The following TCF12 variants were observed in gnomAD, a reference collection of about 807,000 sequenced individuals.
TCF12 encodes the protein DNA-binding protein HTF4.
TCF12 carries 45 observed loss-of-function variants against 86.0 expected under a neutral mutation model. The ratio of observed to expected loss-of-function variants is 0.52; its 90% CI spans 0.41 to 0.67. The LOEUF is 0.67. Ranked by LOEUF, TCF12 falls within the 30% of genes least tolerant of loss-of-function variation. The pLI, the probability that TCF12 is intolerant of heterozygous loss-of-function variation, is 0.00. For missense variants in TCF12, 881 were observed against 859.9 expected (o/e 1.02, Z -0.31); for synonymous variants, 330 against 299.6 (o/e 1.10, Z -1.05).
intron 19 of TCF12, among the ~76,000 whole-genome samples, chr15:57,276,602 A>G (rs540664117): frequency 3.2e-4 from 48 of 152,304 alleles, no homozygotes; most frequent in African/African-American, 1.1e-3. Context: ...CATAATCATG[A>G]AATTTCAGAG....
rs193075893 is a variant in TCF12, at chr15:57,248,070, C to G, written c.1115-3280C>G. ...TGAGACCAGACAACTGGACTCATGT[C>G]TTCCAACTCAAGTTCAGTATCCCAT... is the stretch of plus-strand genomic sequence containing the variant. On this transcript the variant is annotated intron_variant, in intron 13 of 20. Transcript: ENST00000333725. 3.2e-3 allele frequency: 2,242 copies of G among 702,912 alleles called. 11 individuals are homozygous for G. The highest frequency in any genetic ancestry group is 3.8e-3 in the Non-Finnish European group (1,459 of 385,126). The allele number at this position is 702,912 out of a possible 1,614,324, so 43.5% of individuals were successfully genotyped here.
chr15:57,243,375 G>T, intron 12 of TCF12, 97 bp from the exon 13 acceptor site: 2 of 1,048,862 alleles, frequency 1.9e-6, no homozygotes, highest in East Asian at 2.4e-5. Flanking sequence ...AGTCTTAGGG[G>T]TGACAACTAG....
intron 3 of TCF12, among the ~76,000 whole-genome samples, chr15:56,974,444 T>A (rs192179827): frequency 6.6e-6 from 1 of 152,066 alleles, no homozygotes; most frequent in African/African-American, 2.4e-5. Context: ...TTCTGTACTC[T>A]TGCAAATTAT....
chr15:57,132,626 T>C (rs1430070418), intron 5 of TCF12, among the ~76,000 whole-genome samples: 4 of 152,232 alleles, frequency 2.6e-5, no homozygotes, highest in Non-Finnish European at 5.9e-5. Context: ...AACACGTGTG[T>C]GCCCATTCTT....
intron 5 of TCF12, among the ~76,000 whole-genome samples, chr15:57,162,127 G>C (rs534378122): frequency 2.0e-5 from 3 of 151,966 alleles, no homozygotes; most frequent in African/African-American, 7.2e-5. Flanking sequence ...TTTTTCATAG[G>C]TGCTTCAAGG....
At chr15:57,050,243 C>T (rs1397367403) in intron 3 of TCF12, among the ~76,000 whole-genome samples, 1 of 152,022 alleles carries the variant, frequency 6.6e-6, no homozygotes, top group East Asian at 1.9e-4. Flanking sequence ...ACATATTTGC[C>T]ATCTGTATGC....
intron 3 of TCF12, among the ~76,000 whole-genome samples, chr15:57,051,644 A>G (rs1306163803): frequency 2.0e-5 from 3 of 152,190 alleles, no homozygotes; most frequent in Non-Finnish European, 2.9e-5. Context: ...CTTCTTAAGC[A>G]GAGAAGACAC....
intron 5 of TCF12, among the ~76,000 whole-genome samples, chr15:57,095,969 C>G (rs1202298636): frequency 1.3e-5 from 2 of 152,092 alleles, no homozygotes; most frequent in African/African-American, 4.8e-5. Flanking sequence ...GGTCACAAAG[C>G]CAGTAAATGT....
At chr15:57,252,922 T>C (rs1253703892) in intron 15 of TCF12, among the ~76,000 whole-genome samples, 1 of 136,016 alleles carries the variant, frequency 7.4e-6, no homozygotes, top group African/African-American at 2.8e-5. Flanking sequence ...AAAGTATAGG[T>C]TGTACTTTTT....
intron 3 of TCF12, among the ~76,000 whole-genome samples, chr15:56,950,079 G>T (rs1427514472): frequency 6.6e-6 from 1 of 152,158 alleles, no homozygotes; most frequent in Non-Finnish European, 1.5e-5. Flanking sequence ...GTGATTGAAT[G>T]TATACATCAT....
chr15:57,253,231 A>G (rs771551499), intron 15 of TCF12, 31 bp from the exon 16 acceptor site: 11 of 1,610,306 alleles, frequency 6.8e-6, no homozygotes, highest in Non-Finnish European at 9.3e-6. Context: ...TGCCAGCAAT[A>G]ACCACCATGT....
At chr15:57,139,907 G>T (rs1440903448) in intron 5 of TCF12, among the ~76,000 whole-genome samples, 1 of 152,148 alleles carries the variant, frequency 6.6e-6, no homozygotes, top group African/African-American at 2.4e-5. Context: ...CTATCATTCA[G>T]TCATTATCAG....
At chr15:57,184,845 A>G (rs1162738263) in intron 6 of TCF12, among the ~76,000 whole-genome samples, 3 of 152,236 alleles carry the variant, frequency 2.0e-5, no homozygotes, top group African/African-American at 4.8e-5. Flanking sequence ...CTACTCTCAC[A>G]TAACACCATC....
chr15:57,242,412 G>A (rs2059673501), intron 12 of TCF12, among the ~76,000 whole-genome samples: 1 of 152,132 alleles, frequency 6.6e-6, no homozygotes, highest in Non-Finnish European at 1.5e-5. Context: ...GTTGTTGCCA[G>A]GCACCATGGC....
chr15:57,219,173 A>G (rs2058462021), intron 8 of TCF12: 13 of 1,074,682 alleles, frequency 1.2e-5, no homozygotes, highest in Non-Finnish European at 1.5e-5. Context: ...GTGTGTGTAT[A>G]TATGTATATA....
At chr15:57,112,132 C>A (rs925932543) in intron 5 of TCF12, among the ~76,000 whole-genome samples, 2 of 152,120 alleles carry the variant, frequency 1.3e-5, no homozygotes, top group Non-Finnish European at 2.9e-5. Flanking sequence ...GAATTGTACT[C>A]AAAACTTTTT....
At chr15:57,057,597 T>C (rs2068130290) in intron 3 of TCF12, among the ~76,000 whole-genome samples, 1 of 152,006 alleles carries the variant, frequency 6.6e-6, no homozygotes, top group Non-Finnish European at 1.5e-5. Context: ...TAGTAACTAT[T>C]AGAAGAGAAA....
intron 3 of TCF12, among the ~76,000 whole-genome samples, chr15:56,925,783 A>G (rs1215704111): frequency 6.6e-6 from 1 of 152,198 alleles, no homozygotes; most frequent in Non-Finnish European, 1.5e-5. Context: ...ACTTGAAAGT[A>G]TGTTTATGGA....
At chr15:57,253,045 C>G (rs1344516376) in intron 15 of TCF12, among the ~76,000 whole-genome samples, 1 of 149,100 alleles carries the variant, frequency 6.7e-6, no homozygotes, top group African/African-American at 2.5e-5. Flanking sequence ...TTTTATAAAG[C>G]AGTGATTTGT....
Sources: gnomAD v4.1 joint callset for allele counts (sites outside exome capture counted in the v4.1 genomes callset) on GRCh38, gnomAD v4.1.1 for gene constraint, MANE v1.5 for transcripts, NCBI Gene and HGNC (gene_info 2026-07-23, HGNC 2026-07-21) for gene names.